The following CNTNAP5 variants were observed in gnomAD, a reference collection of about 807,000 sequenced individuals.
The protein encoded by CNTNAP5 is contactin-associated protein-like 5.
CNTNAP5 carries 72 observed loss-of-function variants against 150.2 expected under a neutral mutation model. The ratio of observed to expected loss-of-function variants is 0.48; its 90% CI spans 0.40 to 0.58. CNTNAP5 has a LOEUF of 0.58. Among genes scored for constraint, CNTNAP5 ranks in the 20% least tolerant of loss-of-function variants. CNTNAP5 has a pLI of 0.00. For missense variants in CNTNAP5, 1,636 were observed against 1,626.2 expected (o/e 1.01, Z -0.10); for synonymous variants, 672 against 619.8 (o/e 1.08, Z -1.25).
chr2:124,180,421 A>G (rs73952918), intron 1 of CNTNAP5, among the ~76,000 whole-genome samples: 184 of 152,276 alleles, frequency 1.2e-3, no homozygotes, highest in African/African-American at 4.3e-3. Context: ...TTTAGACCCC[A>G]TTTTGTTCCA....
intron 17 of CNTNAP5, among the ~76,000 whole-genome samples, chr2:124,789,486 A>T (rs1203490771): frequency 9.9e-5 from 15 of 152,004 alleles, no homozygotes; most frequent in Admixed American, 9.8e-4. Flanking sequence ...TGTCGTATAG[A>T]TTATTTTGTC....
At chr2:124,145,810 A>AT (rs1338736248) in intron 1 of CNTNAP5, among the ~76,000 whole-genome samples, 106 of 8,886 alleles carry the variant, frequency 0.012, 1 homozygote, top group African/African-American at 0.038. Flanking sequence ...AAAAAAAAAC[A>AT]TTAAAAAAAA....
At chr2:124,419,151 A>AAAAAAAAAAAAAAAAAAAAAAAAAAAAC (rs1324145179) in intron 4 of CNTNAP5, among the ~76,000 whole-genome samples, 1 of 141,504 alleles carries the variant, frequency 7.1e-6, no homozygotes, top group African/African-American at 2.6e-5. Context: ...AAAAAAAAAA[A>AAAAAAAAAAAAAAAAAAAAAAAAAAAAC]AAAAAAAAAA....
intron 3 of CNTNAP5, among the ~76,000 whole-genome samples, chr2:124,376,996 G>A (rs1374025844): frequency 6.6e-6 from 1 of 152,072 alleles, no homozygotes; most frequent in Non-Finnish European, 1.5e-5. Context: ...CCTGTGTCTT[G>A]TGTTTGAATC....
chr2:124,419,109 C>G (rs1363438275), intron 4 of CNTNAP5, among the ~76,000 whole-genome samples: 1 of 117,582 alleles, frequency 8.5e-6, no homozygotes, highest in Non-Finnish European at 1.7e-5. Flanking sequence ...AGTCCGCCGT[C>G]CGGCCTGGGC....
intron 3 of CNTNAP5, among the ~76,000 whole-genome samples, chr2:124,301,513 GA>G (rs1328249352): frequency 6.6e-6 from 1 of 152,196 alleles, no homozygotes; most frequent in East Asian, 1.9e-4. Context: ...ATAATGAGGT[GA>G]AATTATGCTG....
rs113490506 is a variant in CNTNAP5, at chr2:124,915,195, T to C, written c.*907T>C. 1.8e-3 allele frequency: 275 copies of C among 151,664 alleles called. No homozygotes were observed. The highest frequency in any genetic ancestry group is 3.5e-3 in the Middle Eastern group (1 of 282). The allele number at this position is 151,664 out of a possible 1,614,324, so 9.4% of individuals were successfully genotyped here. The stretch of plus-strand genomic sequence containing the variant: ...ATGTATATATATATGTGAGTATATA[T>C]ACACACACACACACACACACACATA... On this transcript the variant is annotated 3_prime_UTR_variant, in exon 24 of 24. Coordinates refer to ENST00000682447, the MANE Select transcript of CNTNAP5 (RefSeq NM_001367498.1).
At chr2:124,732,382 TCAC>T (rs1435127782) in intron 13 of CNTNAP5, among the ~76,000 whole-genome samples, 1 of 152,146 alleles carries the variant, frequency 6.6e-6, no homozygotes, top group Non-Finnish European at 1.5e-5. Flanking sequence ...TGAAACGTAA[TCAC>T]CAGTGTGATG....
rs963037684 is a variant in CNTNAP5 at position 124,283,085 on chromosome 2, A to G, written c.381+40692A>G. On this transcript the variant is annotated intron_variant, in intron 3 of 23. Transcript: ENST00000682447. Reference sequence around the variant, plus strand: ...TAACTTTGCTCTTGGCTGGCTGTCCAGGATTTGCTTGCCTAGGCAGGAGCA... The same window carrying G: ...TAACTTTGCTCTTGGCTGGCTGTCCGGGATTTGCTTGCCTAGGCAGGAGCA... 2.0e-5 allele frequency among the ~76,000 whole-genome samples: 3 copies of G among 151,166 alleles called. No individual in the cohort carries two copies. The East Asian group carries it at 5.9e-4, about 30-fold the overall frequency.
intron 11 of CNTNAP5, among the ~76,000 whole-genome samples, chr2:124,570,676 A>C (rs1380104749): frequency 2.0e-5 from 3 of 152,168 alleles, no homozygotes; most frequent in Non-Finnish European, 4.4e-5. Flanking sequence ...TGTGGGTACT[A>C]GGGACAGATA....
chr2:124,338,228 C>T (rs1689525153), intron 3 of CNTNAP5, among the ~76,000 whole-genome samples: 1 of 152,068 alleles, frequency 6.6e-6, no homozygotes, highest in Admixed American at 6.6e-5. Context: ...TATCCTGAGA[C>T]TTTGCTGAAG....
At chr2:124,478,461 T>C (rs560552882) in intron 7 of CNTNAP5, among the ~76,000 whole-genome samples, 1 of 152,276 alleles carries the variant, frequency 6.6e-6, no homozygotes, top group Non-Finnish European at 1.5e-5. Flanking sequence ...ATTATTTTTC[T>C]TCCAAATTGC....
At chr2:124,342,064 G>A (rs969852941) in intron 3 of CNTNAP5, among the ~76,000 whole-genome samples, 2 of 152,126 alleles carry the variant, frequency 1.3e-5, no homozygotes, top group Non-Finnish European at 2.9e-5. Context: ...AACACGATAA[G>A]CAGGGTTAGA....
rs146646848 is a variant in CNTNAP5 at position 124,370,976 on chromosome 2, A to C, written c.382-46467A>C. ...TAGTCATGCAGAAATATTACACAGC[A>C]AAAAAAATGATCTGATTGTAATAAA... On this transcript the variant is annotated intron_variant, in intron 3 of 23. Coordinates refer to ENST00000682447, the MANE Select transcript of CNTNAP5 (RefSeq NM_001367498.1). Among the ~76,000 whole-genome samples, 3 of 150,372 alleles carry C rather than the reference A, an allele frequency of 2.0e-5. No individual in the cohort carries two copies. In the East Asian group the frequency reaches 5.8e-4, roughly 29 times the overall value.
At chr2:124,628,208 C>G (rs1677771367) in intron 12 of CNTNAP5, among the ~76,000 whole-genome samples, 1 of 152,054 alleles carries the variant, frequency 6.6e-6, no homozygotes, top group Non-Finnish European at 1.5e-5. Context: ...TTCAGAAAAC[C>G]CAGGGAACCC....
chr2:124,829,426 G>C (rs964689318), intron 19 of CNTNAP5, among the ~76,000 whole-genome samples: 1 of 152,056 alleles, frequency 6.6e-6, no homozygotes, highest in African/African-American at 2.4e-5. Context: ...TTTCCTATTT[G>C]TTGGAAAGCA....
intron 1 of CNTNAP5, among the ~76,000 whole-genome samples, chr2:124,060,448 A>G (rs1681977884): frequency 6.6e-6 from 1 of 152,224 alleles, no homozygotes; most frequent in Non-Finnish European, 1.5e-5. Flanking sequence ...GAAAGCCTAC[A>G]CTTACGTCTG....
intron 13 of CNTNAP5, among the ~76,000 whole-genome samples, chr2:124,714,384 C>T (rs530599611): frequency 6.6e-6 from 1 of 152,254 alleles, no homozygotes; most frequent in South Asian, 2.1e-4. Context: ...AAGAGAGACC[C>T]TCATCACAGC....
intron 12 of CNTNAP5, among the ~76,000 whole-genome samples, chr2:124,616,301 TG>T: frequency 6.6e-6 from 1 of 152,360 alleles, no homozygotes; most frequent in Non-Finnish European, 1.5e-5. Flanking sequence ...CATCAGCACT[TG>T]CTGCTTCACC....
Sources: gnomAD v4.1 joint callset for allele counts (sites outside exome capture counted in the v4.1 genomes callset) on GRCh38, gnomAD v4.1.1 for gene constraint, MANE v1.5 for transcripts, NCBI Gene and HGNC (gene_info 2026-07-23, HGNC 2026-07-21) for gene names.